ANGPTL2: variants seen among roughly 807,000 people sequenced by gnomAD.
ANGPTL2 encodes the protein angiopoietin-related protein 2.
Under a neutral mutation model 52.8 loss-of-function variants are expected in ANGPTL2, and 25 were observed. The ratio of observed to expected loss-of-function variants is 0.47; its 90% confidence interval spans 0.35 to 0.66. The LOEUF (loss-of-function observed/expected upper bound fraction) is 0.66, where lower values mean the gene tolerates loss of function less well. ANGPTL2 is among the 30% of genes least tolerant of loss of function. ANGPTL2 has a pLI of 0.01. For synonymous variants in ANGPTL2, 276 were observed against 277.4 expected (o/e 1.00, Z 0.05); for missense variants, 546 against 656.9 (o/e 0.83, Z 1.84).
intron 2 of ANGPTL2, among the ~76,000 whole-genome samples, chr9:127,102,747 G>A (rs1210584975): frequency 6.6e-6 from 1 of 152,168 alleles, no homozygotes; most frequent in Non-Finnish European, 1.5e-5. Flanking sequence ...CATCATCCAG[G>A]TGGGCCATCT....
At chr9:127,115,904 A>G (rs2055360921) in intron 1 of ANGPTL2, among the ~76,000 whole-genome samples, 1 of 152,190 alleles carries the variant, frequency 6.6e-6, no homozygotes, top group African/African-American at 2.4e-5. Flanking sequence ...ATCAGCCCGG[A>G]GGCCAGGGAG....
chr9:127,109,770 A>T (rs903553569), intron 1 of ANGPTL2, among the ~76,000 whole-genome samples: 4 of 152,236 alleles, frequency 2.6e-5, no homozygotes, highest in Non-Finnish European at 5.9e-5. Context: ...TCATTATGCC[A>T]TTCCCAAATG....
intron 2 of ANGPTL2, among the ~76,000 whole-genome samples, chr9:127,104,898 G>A (rs1480415781): frequency 1.3e-5 from 2 of 152,262 alleles, no homozygotes; most frequent in Non-Finnish European, 2.9e-5. Context: ...GCACAGAAGA[G>A]TGTTTTGTCT....
intron 4 of ANGPTL2, among the ~76,000 whole-genome samples, chr9:127,089,765 G>A (rs558031612): frequency 3.3e-5 from 5 of 152,338 alleles, no homozygotes; most frequent in Admixed American, 1.3e-4. Flanking sequence ...TTGCTGCCAA[G>A]GACAAGCAGT....
At chr9:127,113,055 C>A (rs1243603095) in intron 1 of ANGPTL2, among the ~76,000 whole-genome samples, 1 of 152,174 alleles carries the variant, frequency 6.6e-6, no homozygotes. Context: ...ACTGTTACAC[C>A]TCTGTGGGGC....
At position 127,088,765 on chromosome 9, in the gene ANGPTL2, A is replaced by G. The variant is rs1051228088; in HGVS notation, c.*174T>C. ...AAGGAAAGTAGGAGGGACAGAAAAC[A>G]CCGTATCGATTCAGTTCCATCATCC... On this transcript the variant is annotated 3_prime_UTR_variant, in exon 5 of 5. Coordinates refer to ENST00000373425, the MANE Select transcript of ANGPTL2 (RefSeq NM_012098.3). The G allele has an allele frequency of 3.1e-5, 22 of 714,938 alleles. No individual in the cohort carries two copies. In the African/African-American group the frequency reaches 3.9e-4, roughly 13 times the overall value. 44.3% of individuals were successfully genotyped at this position (714,938 alleles called of 1,614,324 possible).
rs374632905 is a variant in ANGPTL2 at position 127,093,925 on chromosome 9, G to A, written c.819C>T (p.Gly273=). 1.2e-6 allele frequency: 2 copies of A among 1,613,402 alleles called. No homozygotes were observed. The highest frequency in any genetic ancestry group is 2.7e-5 in the African/African-American group (2 of 74,974). ...SLPSSTDKPS[G]PWRDCLQALE... Reference sequence around the variant, plus strand: ...GGGCCTGCAGGCAGTCTCTCCATGGGCCTGGGGACACAGACATGCATATAC... The same window carrying A: ...GGGCCTGCAGGCAGTCTCTCCATGGACCTGGGGACACAGACATGCATATAC... Residue 273 remains glycine (G), a splice_region_variant and synonymous_variant, in exon 3 of 5, where the codon GGC becomes GGT. Coordinates refer to ENST00000373425, the MANE Select transcript of ANGPTL2 (RefSeq NM_012098.3).
chr9:127,111,185 C>T (rs1246834014), intron 1 of ANGPTL2, among the ~76,000 whole-genome samples: 2 of 152,130 alleles, frequency 1.3e-5, no homozygotes, highest in Non-Finnish European at 2.9e-5. Context: ...GGCCTTTATA[C>T]TTGCTGGTCC....
intron 1 of ANGPTL2, among the ~76,000 whole-genome samples, chr9:127,115,708 G>A (rs2055340306): frequency 6.6e-6 from 1 of 152,252 alleles, no homozygotes; most frequent in Non-Finnish European, 1.5e-5. Flanking sequence ...GTTACTCACT[G>A]TTGACTGAAT....
chr9:127,105,562 C>T (rs751359771), intron 2 of ANGPTL2, among the ~76,000 whole-genome samples: 1 of 152,180 alleles, frequency 6.6e-6, no homozygotes, highest in South Asian at 2.1e-4. Context: ...CTCTCCCTTC[C>T]CTCTAGGCAG....
intron 2 of ANGPTL2, among the ~76,000 whole-genome samples, chr9:127,094,936 C>T (rs1434289034): frequency 6.6e-6 from 1 of 152,196 alleles, no homozygotes; most frequent in Non-Finnish European, 1.5e-5. Flanking sequence ...TTCTTATGTT[C>T]CATTGTTGGT....
At chr9:127,101,701 C>G (rs1015749503) in intron 2 of ANGPTL2, among the ~76,000 whole-genome samples, 1 of 152,176 alleles carries the variant, frequency 6.6e-6, no homozygotes, top group African/African-American at 2.4e-5. Context: ...AGTGGTCTCT[C>G]TGCACATTAT....
intron 1 of ANGPTL2, among the ~76,000 whole-genome samples, chr9:127,116,102 A>G (rs1361281955): frequency 2.6e-5 from 4 of 152,168 alleles, no homozygotes; most frequent in Admixed American, 6.5e-5. Context: ...TAGCCTTCCC[A>G]TGCAGCTAGC....
rs1371903380 is a variant in ANGPTL2 at position 127,093,935 on chromosome 9, A to G, written c.818-9T>C. The G allele has an allele frequency of 6.2e-7, 1 of 1,612,884 alleles. No individual in the cohort carries two copies. Among genetic ancestry groups the G allele is most frequent in the Non-Finnish European group, 8.5e-7 (1 of 1,179,916 alleles). ...GCAGTCTCTCCATGGGCCTGGGGAC[A>G]CAGACATGCATATACATCACAGACC... On this transcript the variant is annotated splice_polypyrimidine_tract_variant and intron_variant, in intron 2 of 4. Coordinates refer to ENST00000373425, the MANE Select transcript of ANGPTL2 (RefSeq NM_012098.3).
At position 127,088,116 on chromosome 9, in the gene ANGPTL2, G is replaced by T. The variant is rs1178403929; in HGVS notation, c.*823C>A. 6.6e-6 allele frequency: 1 copy of T among 152,552 alleles called. No individual in the cohort carries two copies. The highest frequency in any genetic ancestry group is 1.5e-5 in the Non-Finnish European group (1 of 68,074). 9.4% of individuals were successfully genotyped at this position (152,552 alleles called of 1,614,324 possible). On this transcript the variant is annotated 3_prime_UTR_variant, in exon 5 of 5. Transcript: ENST00000373425. ...GGTAGGCGAGGAGTACAGCAGAGCGGAAAGGGGGCCTTGAACTGCAGTGAG... is the reference window on the plus strand; with the variant it reads ...GGTAGGCGAGGAGTACAGCAGAGCGTAAAGGGGGCCTTGAACTGCAGTGAG...
chr9:127,113,141 G>A (rs990356958), intron 1 of ANGPTL2, among the ~76,000 whole-genome samples: 4 of 152,164 alleles, frequency 2.6e-5, no homozygotes, highest in African/African-American at 9.7e-5. Flanking sequence ...TGTGCTGGGC[G>A]CCTGACATAC....
intron 2 of ANGPTL2, among the ~76,000 whole-genome samples, chr9:127,099,409 A>C (rs943444222): frequency 6.6e-6 from 1 of 152,286 alleles, no homozygotes; most frequent in Middle Eastern, 3.4e-3. Flanking sequence ...TCCCTGAAAC[A>C]TTTTTCTAAC....
chr9:127,091,713 G>A lies in ANGPTL2; in HGVS notation c.1239C>T (p.Gly413=). ...NAGDSFTWHN[G]KQFTTLDRDH... Reference sequence around the variant, plus strand: ...CTCTGTCCAGGGTGGTGAACTGCTTGCCGTTGTGCCATGTAAAGGAGTCAC... The same window carrying A: ...CTCTGTCCAGGGTGGTGAACTGCTTACCGTTGTGCCATGTAAAGGAGTCAC... The change falls in exon 4 of 5, where the codon GGC becomes GGT. Residue 413 remains glycine, a synonymous_variant. Coordinates refer to ENST00000373425, the MANE Select transcript of ANGPTL2 (RefSeq NM_012098.3). This position sits in a 1 kb window ranked among gnomAD's most constrained non-coding sequence, Gnocchi z 4.3. The A allele has an allele frequency of 1.2e-6, 2 of 1,614,022 alleles. No homozygotes were observed. The highest frequency in any genetic ancestry group is 1.7e-6 in the Non-Finnish European group (2 of 1,180,038).
chr9:127,092,451 T>C (rs1355452217), intron 3 of ANGPTL2, among the ~76,000 whole-genome samples: 5 of 151,618 alleles, frequency 3.3e-5, no homozygotes, highest in Admixed American at 6.6e-5. Flanking sequence ...TTTGTGGTTA[T>C]TGTTTTTTTT....
Sources: allele counts gnomAD v4.1 joint callset (sites outside exome capture counted in the v4.1 genomes callset), GRCh38; gene constraint gnomAD v4.1.1; non-coding constraint Gnocchi (gnomAD v3.1); transcripts MANE v1.5; gene names NCBI Gene and HGNC (gene_info 2026-07-23, HGNC 2026-07-21).